CLYBL: variants seen among roughly 807,000 people sequenced by gnomAD.
CLYBL encodes the protein citramalyl-CoA lyase, mitochondrial.
In CLYBL, 31 loss-of-function variants were observed where a neutral mutation model predicts 38.9. That is an observed-to-expected ratio of 0.80 (90% CI 0.60 to 1.08). The LOEUF (loss-of-function observed/expected upper bound fraction) is 1.08, where lower values mean the gene tolerates loss of function less well. Ranked by LOEUF, CLYBL falls within the 50% of genes least tolerant of loss-of-function variation. The pLI is 0.00. For missense variants in CLYBL, 434 were observed against 411.6 expected (o/e 1.05, Z -0.47); for synonymous variants, 171 against 158.6 (o/e 1.08, Z -0.59).
chr13:99,807,852 G>A (rs79360931), intron 2 of CLYBL, among the ~76,000 whole-genome samples: 1,958 of 152,098 alleles, frequency 0.013, 24 homozygotes, highest in East Asian at 0.076. Flanking sequence ...AATAACTTGG[G>A]CCTAATCTAG....
At chr13:99,791,959 G>T (rs2049926518) in intron 2 of CLYBL, among the ~76,000 whole-genome samples, 1 of 151,990 alleles carries the variant, frequency 6.6e-6, no homozygotes, top group East Asian at 1.9e-4. Flanking sequence ...CCCCTCAATG[G>T]TAGACAAAGA....
chr13:99,816,004 A>G (rs987798831), intron 2 of CLYBL, among the ~76,000 whole-genome samples: 3 of 152,238 alleles, frequency 2.0e-5, no homozygotes, highest in Non-Finnish European at 4.4e-5. Context: ...TTGTTTCTGA[A>G]TTCCAGTCAA....
intron 1 of CLYBL, among the ~76,000 whole-genome samples, chr13:99,609,312 G>A (rs1374018779): frequency 6.6e-6 from 1 of 151,266 alleles, no homozygotes; most frequent in Non-Finnish European, 1.5e-5. Context: ...GAGTAGTTGG[G>A]ATTACAGGCA....
At chr13:99,837,031 A>G (rs1029210826) in intron 2 of CLYBL, among the ~76,000 whole-genome samples, 17 of 152,162 alleles carry the variant, frequency 1.1e-4, no homozygotes, top group Middle Eastern at 3.4e-3. Flanking sequence ...CTAAAACTTA[A>G]AGTATAATAA....
chr13:99,634,474 TAGTA>T (rs1189918131), intron 1 of CLYBL, among the ~76,000 whole-genome samples: 1 of 152,130 alleles, frequency 6.6e-6, no homozygotes, highest in Non-Finnish European at 1.5e-5. Context: ...AAACATGTAA[TAGTA>T]ATAATAATAA....
At chr13:99,712,388 G>A (rs1003015885) in intron 1 of CLYBL, among the ~76,000 whole-genome samples, 2 of 138,882 alleles carry the variant, frequency 1.4e-5, no homozygotes, top group Non-Finnish European at 3.0e-5. Context: ...AGGCTAGAAT[G>A]CAGTGGCGTG....
At chr13:99,675,395 A>G (rs2047629315) in intron 1 of CLYBL, among the ~76,000 whole-genome samples, 1 of 152,234 alleles carries the variant, frequency 6.6e-6, no homozygotes, top group South Asian at 2.1e-4. Flanking sequence ...TATTTAAAGT[A>G]TACAGTTCAA....
intron 1 of CLYBL, among the ~76,000 whole-genome samples, chr13:99,708,687 T>C (rs2048182070): frequency 6.6e-6 from 1 of 152,230 alleles, no homozygotes; most frequent in Admixed American, 6.5e-5. Flanking sequence ...TAGCTGTTGT[T>C]ATGGATTGAA....
At chr13:99,618,610 G>A (rs1031665819) in intron 1 of CLYBL, among the ~76,000 whole-genome samples, 23 of 152,254 alleles carry the variant, frequency 1.5e-4, no homozygotes, top group African/African-American at 4.8e-4. Context: ...GTGGCATTAA[G>A]TACATTCACA....
At chr13:99,739,187 T>C (rs1277623484) in intron 1 of CLYBL, among the ~76,000 whole-genome samples, 1 of 152,242 alleles carries the variant, frequency 6.6e-6, no homozygotes, top group Non-Finnish European at 1.5e-5. Flanking sequence ...AATTTTTTTC[T>C]CCTAATTTCA....
chr13:99,748,284 G>A (rs1171890750), intron 1 of CLYBL, among the ~76,000 whole-genome samples: 1 of 151,852 alleles, frequency 6.6e-6, no homozygotes, highest in Non-Finnish European at 1.5e-5. Context: ...GGAGGCTGAG[G>A]TGGGAGAATC....
At chr13:99,870,360 A>T (rs1810002983) in intron 6 of CLYBL, among the ~76,000 whole-genome samples, 1 of 152,190 alleles carries the variant, frequency 6.6e-6, no homozygotes, top group Admixed American at 6.5e-5. Flanking sequence ...ATTGACACAT[A>T]AACTGTTCAT....
chr13:99,871,905 G>C (rs1020384891), intron 7 of CLYBL, among the ~76,000 whole-genome samples: 36 of 149,484 alleles, frequency 2.4e-4, no homozygotes, highest in African/African-American at 8.7e-4. Context: ...AAGGAGTAAA[G>C]TTTTGATACC....
chr13:99,650,037 G>T (rs1241693855), intron 1 of CLYBL, among the ~76,000 whole-genome samples: 1 of 152,154 alleles, frequency 6.6e-6, no homozygotes, highest in Admixed American at 6.5e-5. Context: ...GCCGAGGCGG[G>T]CGGATCACGA....
intron 2 of CLYBL, among the ~76,000 whole-genome samples, chr13:99,818,280 G>T (rs185872226): frequency 4.9e-4 from 75 of 152,246 alleles, no homozygotes; most frequent in African/African-American, 1.7e-3. Context: ...CATGTGAGTA[G>T]AAAGGATGTT....
intron 1 of CLYBL, among the ~76,000 whole-genome samples, chr13:99,620,043 G>A (rs2046769646): frequency 6.6e-6 from 1 of 152,144 alleles, no homozygotes; most frequent in African/African-American, 2.4e-5. Flanking sequence ...CCTCAGAAGG[G>A]GCGGCACCCT....
At chr13:99,662,769 A>G (rs997545068) in intron 1 of CLYBL, among the ~76,000 whole-genome samples, 2 of 152,246 alleles carry the variant, frequency 1.3e-5, no homozygotes, top group African/African-American at 4.8e-5. Context: ...AGTTTTGGTA[A>G]GGGATACTGA....
chr13:99,686,887 A>G (rs2047825910), intron 1 of CLYBL, among the ~76,000 whole-genome samples: 1 of 152,214 alleles, frequency 6.6e-6, no homozygotes, highest in African/African-American at 2.4e-5. Context: ...AGGGGAGGAT[A>G]TCAAGGCACA....
chr13:99,662,889 A>T (rs917657786), intron 1 of CLYBL, among the ~76,000 whole-genome samples: 6 of 152,116 alleles, frequency 3.9e-5, no homozygotes, highest in African/African-American at 1.4e-4. Context: ...TTACTTTGCA[A>T]CCGGCCACTG....
Sources: gnomAD v4.1 joint callset for allele counts (sites outside exome capture counted in the v4.1 genomes callset) on GRCh38, gnomAD v4.1.1 for gene constraint, MANE v1.5 for transcripts, NCBI Gene and HGNC (gene_info 2026-07-23, HGNC 2026-07-21) for gene names.